RBFOX1: variants seen among roughly 807,000 people sequenced by gnomAD.
RBFOX1 encodes the protein RNA binding protein fox-1 homolog 1.
A neutral mutation model predicts 57.7 loss-of-function variants in RBFOX1; 8 were observed. That is an observed-to-expected ratio of 0.14 (90% CI 0.08 to 0.25). The LOEUF (loss-of-function observed/expected upper bound fraction) is 0.25. RBFOX1 is among the 10% of genes least tolerant of loss of function. The pLI, the probability that RBFOX1 is intolerant of heterozygous loss-of-function variation, is 1.00. For synonymous variants in RBFOX1, 326 were observed against 222.4 expected, an observed-to-expected ratio of 1.47 and a Z score of -4.15; for missense variants, 611 against 548.5, an observed-to-expected ratio of 1.11 and a Z score of -1.14.
At chr16:5,241,421 C>T (rs1020770432) in intron 1 of RBFOX1, among the ~76,000 whole-genome samples, 1 of 152,166 alleles carries the variant, frequency 6.6e-6, no homozygotes, top group African/African-American at 2.4e-5. Context: ...CCCTCTCACT[C>T]CCTCTACCTC....
At chr16:6,312,004 C>T (rs1187708968) in intron 1 of RBFOX1, among the ~76,000 whole-genome samples, 2 of 152,280 alleles carry the variant, frequency 1.3e-5, no homozygotes, top group South Asian at 2.1e-4. Flanking sequence ...TGCTGTGAGG[C>T]TTGGAGAGCA....
At chr16:6,829,216 A>G (rs12934725) in intron 3 of RBFOX1, among the ~76,000 whole-genome samples, 63,463 of 150,388 alleles carry the variant, frequency 0.42, 14,613 homozygotes, top group East Asian at 0.79. Context: ...AAAGAAAAGC[A>G]TTTTAAAGGA....
intron 4 of RBFOX1, among the ~76,000 whole-genome samples, chr16:5,935,317 A>G (rs1420288436): frequency 6.6e-6 from 1 of 152,230 alleles, no homozygotes; most frequent in African/African-American, 2.4e-5. Context: ...ACATGGGGCC[A>G]CATGGGGACA....
intron 3 of RBFOX1, among the ~76,000 whole-genome samples, chr16:6,805,487 A>C (rs556402616): frequency 6.6e-6 from 1 of 152,122 alleles, no homozygotes; most frequent in Non-Finnish European, 1.5e-5. Context: ...TCCCCATAAC[A>C]TGAGTTTACC....
chr16:6,290,166 C>T (rs994684912), intron 1 of RBFOX1, among the ~76,000 whole-genome samples: 1 of 137,880 alleles, frequency 7.3e-6, no homozygotes, highest in African/African-American at 2.6e-5. Context: ...GCTGCATTAC[C>T]TGAAAGTGAG....
At chr16:5,709,308 G>T (rs1276327149) in intron 3 of RBFOX1, among the ~76,000 whole-genome samples, 1 of 152,158 alleles carries the variant, frequency 6.6e-6, no homozygotes, top group Non-Finnish European at 1.5e-5. Context: ...GCTCTGTTCT[G>T]TTATTTTGGG....
intron 1 of RBFOX1, among the ~76,000 whole-genome samples, chr16:5,412,009 G>A (rs2067034651): frequency 6.6e-6 from 1 of 152,188 alleles, no homozygotes; most frequent in Non-Finnish European, 1.5e-5. Context: ...AGATCGGTTA[G>A]TTATGAGAGT....
chr16:5,379,504 A>C (rs1298906442), intron 1 of RBFOX1, among the ~76,000 whole-genome samples: 4 of 147,302 alleles, frequency 2.7e-5, no homozygotes, highest in Middle Eastern at 3.4e-3. Flanking sequence ...TAGTCTAAAC[A>C]AGCACATGCT....
intron 1 of RBFOX1, among the ~76,000 whole-genome samples, chr16:6,074,797 G>C (rs976403255): frequency 6.6e-6 from 1 of 152,156 alleles, no homozygotes; most frequent in African/African-American, 2.4e-5. Flanking sequence ...ACGGGGAAAA[G>C]GATTCAGATG....
intron 12 of RBFOX1, among the ~76,000 whole-genome samples, chr16:7,656,009 TAACTAC>T (rs1249946602): frequency 1.7e-5 from 2 of 119,028 alleles, no homozygotes; most frequent in East Asian, 1.0e-3. Context: ...AATGTGTTTG[TAACTAC>T]TTGGGATGAA....
intron 1 of RBFOX1, among the ~76,000 whole-genome samples, chr16:5,258,767 T>G (rs1050966393): frequency 1.3e-5 from 2 of 152,068 alleles, no homozygotes; most frequent in African/African-American, 4.8e-5. Flanking sequence ...CATACAAAAA[T>G]TAGCCGGGCA....
chr16:5,979,585 T>G lies in RBFOX1; in HGVS notation c.351+112250T>G, dbSNP rs191534613. Among the ~76,000 whole-genome samples the G allele has an allele frequency of 4.9e-4, 74 of 152,304 alleles. 1 individual carries two copies. Among genetic ancestry groups the G allele is most frequent in the Non-Finnish European group, 7.1e-4 (48 of 68,028 alleles). Reference sequence around the variant, plus strand: ...ACGTAGAAATTAAAATGCAGCTGGCTGGGCATGGTGGCTCACGCCTCTAAT... The same window carrying G: ...ACGTAGAAATTAAAATGCAGCTGGCGGGGCATGGTGGCTCACGCCTCTAAT... On this transcript the variant is annotated intron_variant, in intron 4 of 19. Transcript: ENST00000641259.
intron 2 of RBFOX1, among the ~76,000 whole-genome samples, chr16:6,486,170 A>G (rs191485085): frequency 1.3e-4 from 15 of 119,328 alleles, no homozygotes; most frequent in Non-Finnish European, 2.1e-4. Flanking sequence ...GTCATATTTT[A>G]TGACACTAAT....
chr16:5,394,599 T>G (rs1297642172), intron 1 of RBFOX1, among the ~76,000 whole-genome samples: 1 of 151,212 alleles, frequency 6.6e-6, no homozygotes, highest in Non-Finnish European at 1.5e-5. Context: ...TCTTGCTCTG[T>G]TGCCCAGGCT....
At chr16:6,845,515 C>A (rs940413107) in intron 3 of RBFOX1, among the ~76,000 whole-genome samples, 1 of 152,132 alleles carries the variant, frequency 6.6e-6, no homozygotes, top group East Asian at 1.9e-4. Flanking sequence ...TTTCTGAGTT[C>A]TGTGTTCTGT....
intron 2 of RBFOX1, among the ~76,000 whole-genome samples, chr16:5,528,748 C>G (rs1043718208): frequency 6.6e-6 from 1 of 151,776 alleles, no homozygotes; most frequent in African/African-American, 2.4e-5. Flanking sequence ...CTCCCAGGTT[C>G]AAGCGATTCT....
chr16:7,646,694 C>T (rs930777567), intron 11 of RBFOX1, among the ~76,000 whole-genome samples: 1 of 152,190 alleles, frequency 6.6e-6, no homozygotes, highest in Non-Finnish European at 1.5e-5. Context: ...GCAGAATCCG[C>T]CCCCCTGTCG....
At chr16:6,790,683 G>C (rs982450392) in intron 3 of RBFOX1, among the ~76,000 whole-genome samples, 1 of 152,044 alleles carries the variant, frequency 6.6e-6, no homozygotes, top group Non-Finnish European at 1.5e-5. Context: ...CTTGTATGGT[G>C]GATGTGATTT....
intron 4 of RBFOX1, among the ~76,000 whole-genome samples, chr16:7,222,613 C>G (rs907590668): frequency 6.6e-6 from 1 of 152,212 alleles, no homozygotes; most frequent in Non-Finnish European, 1.5e-5. Flanking sequence ...CTCCTCTCTG[C>G]CGCTTATGAT....
Sources: allele counts gnomAD v4.1 joint callset (sites outside exome capture counted in the v4.1 genomes callset), GRCh38; gene constraint gnomAD v4.1.1; transcripts MANE v1.5; gene names NCBI Gene and HGNC (gene_info 2026-07-23, HGNC 2026-07-21).